GALNT14: variants seen among roughly 807,000 people sequenced by gnomAD.
GALNT14 encodes polypeptide N-acetylgalactosaminyltransferase 14, also known as UDP-GalNAc:polypeptide N-acetylgalactosaminyltransferase 14.
A neutral mutation model predicts 77.5 loss-of-function variants in GALNT14; 60 were observed. The ratio of observed to expected loss-of-function variants is 0.77; its 90% CI spans 0.63 to 0.96. The LOEUF is 0.96. GALNT14 is among the 40% of genes least tolerant of loss of function. The pLI, the probability that GALNT14 is intolerant of heterozygous loss-of-function variation, is 0.00. For missense variants in GALNT14, 710 were observed against 731.0 expected (o/e 0.97, Z 0.33); for synonymous variants, 280 against 281.7 (o/e 0.99, Z 0.06).
chr2:30,962,224 A>G (rs1314971752), intron 3 of GALNT14, among the ~76,000 whole-genome samples: 2 of 152,214 alleles, frequency 1.3e-5, no homozygotes, highest in East Asian at 3.8e-4. Context: ...CAATGATGTC[A>G]GGTAGTTATT....
intron 1 of GALNT14, among the ~76,000 whole-genome samples, chr2:31,130,237 T>C (rs1486034988): frequency 2.0e-5 from 3 of 152,224 alleles, no homozygotes; most frequent in Non-Finnish European, 4.4e-5. Flanking sequence ...TTCCCAGCGA[T>C]AAGGGCTCCT....
At chr2:31,053,282 C>G (rs1674004403) in intron 1 of GALNT14, among the ~76,000 whole-genome samples, 1 of 152,126 alleles carries the variant, frequency 6.6e-6, no homozygotes, top group Non-Finnish European at 1.5e-5. Flanking sequence ...AACCCTGACT[C>G]CGGGGGGCAG....
At chr2:31,105,314 C>A (rs1299420342) in intron 1 of GALNT14, among the ~76,000 whole-genome samples, 1 of 152,170 alleles carries the variant, frequency 6.6e-6, no homozygotes, top group Non-Finnish European at 1.5e-5. Context: ...TTGACACATC[C>A]CCATCTTTTC....
intron 1 of GALNT14, among the ~76,000 whole-genome samples, chr2:31,127,984 T>A (rs1029757831): frequency 9.2e-5 from 14 of 152,124 alleles, no homozygotes; most frequent in African/African-American, 2.9e-4. Context: ...AGTAAAAAAG[T>A]CATGTTTCTG....
chr2:30,930,123 G>A (rs1222919468), intron 10 of GALNT14, among the ~76,000 whole-genome samples: 1 of 152,214 alleles, frequency 6.6e-6, no homozygotes, highest in Admixed American at 6.5e-5. Flanking sequence ...AATCATGCCA[G>A]AAACTGAACT....
intron 1 of GALNT14, among the ~76,000 whole-genome samples, chr2:31,103,080 C>G (rs1241461639): frequency 6.6e-6 from 1 of 152,078 alleles, no homozygotes; most frequent in Non-Finnish European, 1.5e-5. Flanking sequence ...CTTTCTGAAA[C>G]TCTTCTTAAA....
At chr2:30,933,898 CTG>C (rs1465141486) in intron 9 of GALNT14, among the ~76,000 whole-genome samples, 2 of 152,216 alleles carry the variant, frequency 1.3e-5, no homozygotes, top group Non-Finnish European at 2.9e-5. Flanking sequence ...TTGAGAACAA[CTG>C]TGTAAACGCT....
intron 2 of GALNT14, among the ~76,000 whole-genome samples, chr2:30,984,195 C>T (rs976327069): frequency 1.3e-5 from 2 of 152,186 alleles, no homozygotes; most frequent in African/African-American, 4.8e-5. Context: ...AGAACGAACT[C>T]CCCAGTGGAA....
chr2:30,965,714 C>T (rs1439093402), intron 3 of GALNT14, among the ~76,000 whole-genome samples: 2 of 152,152 alleles, frequency 1.3e-5, no homozygotes, highest in Non-Finnish European at 2.9e-5. Context: ...GGTAGATGGT[C>T]AGGAAGGCAA....
chr2:30,912,417 G>A (rs1035859694), intron 13 of GALNT14, 75 bp from the exon 14 acceptor site: 52 of 1,543,130 alleles, frequency 3.4e-5, no homozygotes, highest in Non-Finnish European at 4.2e-5. Context: ...CCACACTTAC[G>A]GGTGTGATTA....
intron 2 of GALNT14, among the ~76,000 whole-genome samples, chr2:30,970,244 A>G (rs1467359471): frequency 6.6e-6 from 1 of 152,148 alleles, no homozygotes; most frequent in Non-Finnish European, 1.5e-5. Context: ...GGAGGAGCAG[A>G]GATCAAAGGA....
intron 2 of GALNT14, among the ~76,000 whole-genome samples, chr2:30,980,138 C>T (rs1396593635): frequency 6.6e-6 from 1 of 152,254 alleles, no homozygotes; most frequent in Non-Finnish European, 1.5e-5. Flanking sequence ...GCACCCAGCC[C>T]ACCTTGTTCT....
intron 1 of GALNT14, among the ~76,000 whole-genome samples, chr2:31,050,153 C>A (rs1019100473): frequency 6.6e-6 from 1 of 152,158 alleles, no homozygotes; most frequent in East Asian, 1.9e-4. Flanking sequence ...TGTGGGCCAG[C>A]ATGACTACTC....
At chr2:31,100,628 T>C (rs2148612767) in intron 1 of GALNT14, among the ~76,000 whole-genome samples, 1 of 152,066 alleles carries the variant, frequency 6.6e-6, no homozygotes. Flanking sequence ...TGTTCTTTAG[T>C]GATAATTCCT....
intron 2 of GALNT14, among the ~76,000 whole-genome samples, chr2:30,972,683 A>C (rs1668428961): frequency 6.6e-6 from 1 of 152,076 alleles, no homozygotes; most frequent in Non-Finnish European, 1.5e-5. Context: ...TCCAATTGTG[A>C]CTCAGGTCTA....
At chr2:30,924,009 G>A (rs1665196054) in intron 13 of GALNT14, 110 bp downstream of exon 13, 2 of 1,214,548 alleles carry the variant, frequency 1.6e-6, no homozygotes, top group Non-Finnish European at 2.4e-6. Context: ...CGATCTCTGG[G>A]AATAAATGGG....
At chr2:30,923,025 G>C (rs1665126775) in intron 13 of GALNT14, among the ~76,000 whole-genome samples, 1 of 151,272 alleles carries the variant, frequency 6.6e-6, no homozygotes, top group African/African-American at 2.4e-5. Context: ...TGGGGGTGAG[G>C]AGTTAGCAAG....
chr2:30,978,530 G>T (rs1050130414), intron 2 of GALNT14, among the ~76,000 whole-genome samples: 5 of 152,162 alleles, frequency 3.3e-5, no homozygotes, highest in Non-Finnish European at 7.3e-5. Flanking sequence ...TGATCAATAC[G>T]TGTTTGCCAA....
chr2:31,107,787 A>C (rs1370252319), intron 1 of GALNT14, among the ~76,000 whole-genome samples: 5 of 152,174 alleles, frequency 3.3e-5, no homozygotes, highest in Non-Finnish European at 5.9e-5. Context: ...GCCATTATGA[A>C]GGGTTTCCTA....
Sources: allele counts gnomAD v4.1 joint callset (sites outside exome capture counted in the v4.1 genomes callset), GRCh38; gene constraint gnomAD v4.1.1; transcripts MANE v1.5; gene names NCBI Gene and HGNC (gene_info 2026-07-23, HGNC 2026-07-21).